DNAH11: variants seen among roughly 807,000 people sequenced by gnomAD.
The protein encoded by DNAH11 is dynein axonemal heavy chain 11.
In DNAH11, 442 loss-of-function variants were observed where a neutral mutation model predicts 526.0. The observed-to-expected ratio is 0.84, with a 90% confidence interval of 0.78 to 0.91. The LOEUF (loss-of-function observed/expected upper bound fraction) is 0.91, where lower values mean the gene tolerates loss of function less well. DNAH11 is among the 40% of genes least tolerant of loss of function. DNAH11 has a pLI of 0.00. For synonymous variants in DNAH11, 2,461 were observed against 1,935.9 expected, an observed-to-expected ratio of 1.27 and a Z score of -7.12; for missense variants, 6,989 against 5,448.7, an observed-to-expected ratio of 1.28 and a Z score of -8.90.
intron 65 of DNAH11, among the ~76,000 whole-genome samples, chr7:21,818,824 A>G (rs1789928153): frequency 6.6e-6 from 1 of 152,172 alleles, no homozygotes; most frequent in African/African-American, 2.4e-5. Flanking sequence ...AGAGTTCATT[A>G]GTGGGTCCCT....
chr7:21,577,752 G>T (rs1420739956), intron 8 of DNAH11, among the ~76,000 whole-genome samples: 1 of 152,118 alleles, frequency 6.6e-6, no homozygotes, highest in East Asian at 1.9e-4. Context: ...GTTTAAATAA[G>T]AGTCAGAGTC....
intron 32 of DNAH11, among the ~76,000 whole-genome samples, chr7:21,685,108 T>G (rs1783317127): frequency 6.6e-6 from 1 of 152,234 alleles, no homozygotes; most frequent in Non-Finnish European, 1.5e-5. Context: ...GTTTCTATAA[T>G]TATGTCTAAT....
At chr7:21,600,648 G>A (rs750979911) in intron 15 of DNAH11, 28 bp from the exon 16 acceptor site, 3 of 1,562,566 alleles carry the variant, frequency 1.9e-6, no homozygotes, top group South Asian at 1.2e-5. Flanking sequence ...GGTTTGAATA[G>A]TAAGTGCTGT....
rs146417602 is a variant in DNAH11 at position 21,876,710 on chromosome 7, C to G, written c.12195+3209C>G. Among the ~76,000 whole-genome samples, 258 of 152,266 alleles carry G rather than the reference C, an allele frequency of 1.7e-3. 1 individual carries two copies. The East Asian group carries it at 0.032, about 19-fold the overall frequency. On this transcript the variant is annotated intron_variant, in intron 74 of 81. Transcript: ENST00000409508. ...CCAGGTGGCTGCAGGAGTTGCAGCC[C>G]CCATATCCACATTCCTGACAGGAGG...
intron 66 of DNAH11, among the ~76,000 whole-genome samples, chr7:21,848,149 A>C (rs567416433): frequency 7.8e-5 from 11 of 141,860 alleles, no homozygotes; most frequent in Middle Eastern, 7.4e-3. Flanking sequence ...CCTGGGTGAT[A>C]GAGCGAGACT....
intron 56 of DNAH11, among the ~76,000 whole-genome samples, chr7:21,776,652 A>G (rs1235169958): frequency 6.6e-6 from 1 of 152,236 alleles, no homozygotes; most frequent in Admixed American, 6.5e-5. Context: ...CCACGGCTTC[A>G]GTCACTTTGA....
intron 30 of DNAH11, among the ~76,000 whole-genome samples, chr7:21,673,129 G>A (rs1235702342): frequency 6.6e-6 from 1 of 152,088 alleles, no homozygotes; most frequent in Non-Finnish European, 1.5e-5. Context: ...ATTCATAAGT[G>A]GGGTATACTG....
At chr7:21,834,827 C>T (rs1051095536) in intron 65 of DNAH11, among the ~76,000 whole-genome samples, 22 of 152,218 alleles carry the variant, frequency 1.4e-4, no homozygotes, top group Middle Eastern at 3.4e-3. Context: ...TCTAGCACTC[C>T]AGCCTGGGTG....
intron 65 of DNAH11, among the ~76,000 whole-genome samples, chr7:21,824,841 C>G (rs1382904530): frequency 6.6e-6 from 1 of 152,122 alleles, no homozygotes; most frequent in Non-Finnish European, 1.5e-5. Context: ...ATCTACATTG[C>G]TCCTTCTGGC....
rs977273126 is a variant in DNAH11 at position 21,842,872 on chromosome 7, A to G, written c.10896+124A>G. 3 of 825,180 alleles carry G rather than the reference A, an allele frequency of 3.6e-6. No individual in the cohort carries two copies. In the African/African-American group the frequency reaches 5.2e-5, roughly 14 times the overall value. 51.1% of individuals were successfully genotyped at this position (825,180 alleles called of 1,614,324 possible). Reference sequence around the variant, plus strand: ...AGAATCCTGCAACCTAATTGGGAAAAATAAGTATACATGTTAAAAGTTAAA... The same window carrying G: ...AGAATCCTGCAACCTAATTGGGAAAGATAAGTATACATGTTAAAAGTTAAA... On this transcript the variant is annotated intron_variant, in intron 66 of 81. Transcript: ENST00000409508.
At chr7:21,588,311 T>A in intron 10 of DNAH11, 110 bp downstream of exon 10, 1 of 1,400,526 alleles carries the variant, frequency 7.1e-7, no homozygotes, top group Non-Finnish European at 9.6e-7. Flanking sequence ...GGCACTACAT[T>A]TTTGTGCTTT....
At position 21,899,569 on chromosome 7, in the gene DNAH11, A is replaced by G. The variant is rs1443771993; in HGVS notation, c.13162+121A>G. The G allele has an allele frequency of 6.2e-6, 5 of 805,806 alleles. No homozygotes were observed. The East Asian group carries it at 1.2e-4, about 20-fold the overall frequency. The allele number at this position is 805,806 out of a possible 1,614,324, so 49.9% of individuals were successfully genotyped here. A position where few individuals can be genotyped will look rare whatever the true frequency, so the allele number is the denominator to read the frequency against. ...GCTCACCAATCCTCAAGCAGCAGCCATTATAGAAAGGACCAGCAGCTATAG... is the reference window on the plus strand; with the variant it reads ...GCTCACCAATCCTCAAGCAGCAGCCGTTATAGAAAGGACCAGCAGCTATAG... On this transcript the variant is annotated intron_variant, in intron 80 of 81. Coordinates refer to ENST00000409508, the MANE Select transcript of DNAH11 (RefSeq NM_001277115.2).
rs1466586645 is a variant in DNAH11 at position 21,687,134 on chromosome 7, C to G, written c.5657C>G (p.Thr1886Ser). The change falls in exon 33 of 82, where the codon ACC becomes AGC. Residue 1886 changes from threonine to serine, a missense_variant. Physicochemically the swap from Thr to Ser is moderately conservative, Grantham distance 58. Transcript: ENST00000409508. ...YITLTQSLHLTMSGAPAGPAG... is the reference protein window; with the variant it reads ...YITLTQSLHLSMSGAPAGPAG... Reference sequence around the variant, plus strand: ...ACCTTAACTCAATCACTTCATCTAACCATGAGTGGGGCTCCTGCTGGCCCA... The same window carrying G: ...ACCTTAACTCAATCACTTCATCTAAGCATGAGTGGGGCTCCTGCTGGCCCA... 1.9e-6 allele frequency: 3 copies of G among 1,613,454 alleles called. No individual in the cohort carries two copies. The highest frequency in any genetic ancestry group is 4.5e-5 in the East Asian group (2 of 44,858).
intron 71 of DNAH11, among the ~76,000 whole-genome samples, 156 bp from the exon 72 acceptor site, chr7:21,867,703 A>G (rs901325647): frequency 1.3e-5 from 2 of 152,208 alleles, no homozygotes; most frequent in Non-Finnish European, 2.9e-5. Context: ...TACCGCATAC[A>G]TCTAGCTGGA....
chr7:21,861,760 A>G, intron 68 of DNAH11, 93 bp from the exon 69 acceptor site: 2 of 1,502,350 alleles, frequency 1.3e-6, no homozygotes, highest in South Asian at 2.5e-5. Flanking sequence ...CACTCCCTAT[A>G]GATAAACCTT....
chr7:21,890,719 G>A (rs993881329), intron 76 of DNAH11, among the ~76,000 whole-genome samples: 11 of 151,908 alleles, frequency 7.2e-5, no homozygotes, highest in Non-Finnish European at 1.2e-4. Context: ...TATTTTGGTC[G>A]CCCTGAGCCA....
intron 36 of DNAH11, 139 bp from the exon 37 acceptor site, chr7:21,702,571 C>T (rs72657340): frequency 1.6e-5 from 11 of 672,628 alleles, no homozygotes; most frequent in Non-Finnish European, 2.5e-5. Context: ...TTTCAAAGAG[C>T]AGAAGAAAAT....
intron 30 of DNAH11, among the ~76,000 whole-genome samples, chr7:21,675,564 G>A (rs1287755548): frequency 6.6e-6 from 1 of 152,176 alleles, no homozygotes; most frequent in South Asian, 2.1e-4. Context: ...TTCTTGTCCT[G>A]TAAGGTCTGG....
At chr7:21,662,223 G>T (rs1782267109) in intron 30 of DNAH11, among the ~76,000 whole-genome samples, 1 of 152,100 alleles carries the variant, frequency 6.6e-6, no homozygotes, top group African/African-American at 2.4e-5. Flanking sequence ...GTCCAGTGTG[G>T]TACACAACTT....
Sources: gnomAD v4.1 joint callset for allele counts (sites outside exome capture counted in the v4.1 genomes callset) on GRCh38, gnomAD v4.1.1 for gene constraint, MANE v1.5 for transcripts, NCBI Gene and HGNC (gene_info 2026-07-23, HGNC 2026-07-21) for gene names.